SDK1: variants seen among roughly 807,000 people sequenced by gnomAD.
SDK1 encodes protein sidekick-1.
SDK1 carries 157 observed loss-of-function variants against 245.5 expected under a neutral mutation model. The observed-to-expected ratio is 0.64, with a 90% CI of 0.56 to 0.73. SDK1 has a LOEUF of 0.73. SDK1 is among the 30% of genes least tolerant of loss of function. SDK1 has a pLI of 0.00. For missense variants in SDK1, 3,583 were observed against 3,002.3 expected (o/e 1.19, Z -4.52); for synonymous variants, 1,647 against 1,278.5 (o/e 1.29, Z -6.15).
intron 14 of SDK1, among the ~76,000 whole-genome samples, chr7:3,995,254 C>T (rs533681482): frequency 1.3e-5 from 2 of 152,324 alleles, no homozygotes; most frequent in African/African-American, 4.8e-5. Flanking sequence ...TGGGAATTCT[C>T]GCCCTGATCC....
chr7:3,302,613 C>T (rs1036121213), intron 1 of SDK1, among the ~76,000 whole-genome samples: 1 of 151,554 alleles, frequency 6.6e-6, no homozygotes, highest in African/African-American at 2.4e-5. Context: ...CTTCCCTCCA[C>T]CCCCTCCCCG....
At chr7:3,907,646 T>C (rs1562527960) in intron 5 of SDK1, among the ~76,000 whole-genome samples, 1 of 152,256 alleles carries the variant, frequency 6.6e-6, no homozygotes, top group African/African-American at 2.4e-5. Flanking sequence ...GTGCGATTAC[T>C]GAATCTTATA....
chr7:3,661,948 G>A (rs1783375124), intron 4 of SDK1, among the ~76,000 whole-genome samples: 1 of 151,596 alleles, frequency 6.6e-6, no homozygotes, highest in Admixed American at 6.6e-5. Context: ...CCTGGGTGTA[G>A]TAAGACCGTT....
At chr7:4,045,768 G>T (rs1271379868) in intron 17 of SDK1, among the ~76,000 whole-genome samples, 1 of 152,154 alleles carries the variant, frequency 6.6e-6, no homozygotes, top group African/African-American at 2.4e-5. Flanking sequence ...TGTGATGTTT[G>T]AGTCCTTCTA....
chr7:3,952,732 G>A (rs1272419609), intron 7 of SDK1, among the ~76,000 whole-genome samples: 1 of 151,808 alleles, frequency 6.6e-6, no homozygotes, highest in Non-Finnish European at 1.5e-5. Flanking sequence ...CTCAAACTGG[G>A]CGACATATTA....
intron 4 of SDK1, among the ~76,000 whole-genome samples, chr7:3,648,853 G>A (rs1355081229): frequency 1.3e-5 from 2 of 152,162 alleles, no homozygotes; most frequent in Non-Finnish European, 2.9e-5. Flanking sequence ...TTCTGACCTT[G>A]GGAAAATTAC....
intron 1 of SDK1, among the ~76,000 whole-genome samples, chr7:3,415,715 A>G (rs903719125): frequency 1.0e-4 from 15 of 149,452 alleles, no homozygotes; most frequent in Non-Finnish European, 1.8e-4. Context: ...TATAAATTAT[A>G]TATAAATGTA....
intron 19 of SDK1, among the ~76,000 whole-genome samples, chr7:4,055,762 G>A (rs374824472): frequency 2.6e-5 from 4 of 152,066 alleles, no homozygotes; most frequent in Non-Finnish European, 2.9e-5. Flanking sequence ...CAGTGTGAGC[G>A]TTTAGTGCTG....
chr7:3,517,006 T>G (rs1782776789), intron 1 of SDK1, among the ~76,000 whole-genome samples: 4 of 152,176 alleles, frequency 2.6e-5, no homozygotes, highest in Admixed American at 1.3e-4. Flanking sequence ...CCTTTTATTG[T>G]GTTATCTCAG....
At chr7:3,372,615 C>T (rs1053607257) in intron 1 of SDK1, among the ~76,000 whole-genome samples, 2 of 152,124 alleles carry the variant, frequency 1.3e-5, no homozygotes, top group African/African-American at 2.4e-5. Context: ...CCAAAATGAA[C>T]CCTGTAACTT....
intron 1 of SDK1, among the ~76,000 whole-genome samples, chr7:3,587,953 A>G (rs759614056): frequency 4.6e-5 from 7 of 152,246 alleles, no homozygotes; most frequent in African/African-American, 7.2e-5. Flanking sequence ...CATTGATCCA[A>G]TAGACTTATG....
intron 4 of SDK1, among the ~76,000 whole-genome samples, chr7:3,800,757 A>G (rs1349575359): frequency 1.3e-5 from 2 of 152,120 alleles, no homozygotes; most frequent in East Asian, 1.9e-4. Context: ...GATCACTCCT[A>G]AATATACACA....
chr7:3,665,689 C>G (rs560602777), intron 4 of SDK1, among the ~76,000 whole-genome samples: 1 of 152,126 alleles, frequency 6.6e-6, no homozygotes, highest in African/African-American at 2.4e-5. Context: ...CAGGACATGT[C>G]GTGCCATTCA....
chr7:4,266,153 C>A lies in SDK1; in HGVS notation c.*769C>A, dbSNP rs75528200. 2.3e-5 allele frequency: 23 copies of A among 985,506 alleles called. No homozygotes were observed. The East Asian group carries it at 2.6e-3, about 112-fold the overall frequency. 61.0% of individuals were successfully genotyped at this position (985,506 alleles called of 1,614,324 possible). On this transcript the variant is annotated 3_prime_UTR_variant, in exon 45 of 45. Coordinates refer to ENST00000404826, the MANE Select transcript of SDK1 (RefSeq NM_152744.4). Reference sequence around the variant, plus strand: ...CCACCACGCTGGCCCTCTCCTTCCCCGAACACAGCACACGGTCAACTCCGC... The same window carrying A: ...CCACCACGCTGGCCCTCTCCTTCCCAGAACACAGCACACGGTCAACTCCGC...
intron 42 of SDK1, among the ~76,000 whole-genome samples, chr7:4,238,680 C>T (rs1278539655): frequency 6.6e-6 from 1 of 151,718 alleles, no homozygotes; most frequent in East Asian, 1.9e-4. Flanking sequence ...TCCCCAGTAG[C>T]TAGGATTACA....
intron 1 of SDK1, among the ~76,000 whole-genome samples, chr7:3,478,757 A>G (rs1781420784): frequency 6.6e-6 from 1 of 151,866 alleles, no homozygotes; most frequent in East Asian, 1.9e-4. Context: ...TCCTTTCCTA[A>G]TTGTTAAATT....
Position 4,265,149 on chromosome 7 carries a change from C to T in SDK1, c.6407C>T (p.Ala2136Val), listed in dbSNP as rs1788381270. Reference sequence around the variant, plus strand: ...GCCACGGACTCTGACTACGAGGACGCGCTGCCCAAGCACTCCTTCGTGAAC... The same window carrying T: ...GCCACGGACTCTGACTACGAGGACGTGCTGCCCAAGCACTCCTTCGTGAAC... ...SEATDSDYED[A>V]LPKHSFVNHY... The change falls in exon 45 of 45, where the codon GCG becomes GTG. Residue 2136 changes from alanine (A) to valine (V), a missense_variant. By Grantham distance (64) the Ala-to-Val change is moderately conservative (BLOSUM62 0). Transcript: ENST00000404826. 5 of 1,612,112 alleles carry T rather than the reference C, an allele frequency of 3.1e-6. No homozygotes were observed. The highest frequency in any genetic ancestry group is 1.7e-5 in the Admixed American group (1 of 59,950).
At chr7:3,859,106 C>T (rs914878064) in intron 5 of SDK1, among the ~76,000 whole-genome samples, 47 of 152,102 alleles carry the variant, frequency 3.1e-4, no homozygotes, top group African/African-American at 1.1e-3. Flanking sequence ...TCGTGATCCG[C>T]CCGCCTCGGC....
intron 2 of SDK1, among the ~76,000 whole-genome samples, chr7:3,620,631 A>C (rs1442390972): frequency 6.6e-6 from 1 of 152,028 alleles, no homozygotes; most frequent in Admixed American, 6.6e-5. Context: ...TGACAGTTCT[A>C]AGATTTTCTG....
Sources: gnomAD v4.1 joint callset for allele counts (sites outside exome capture counted in the v4.1 genomes callset) on GRCh38, gnomAD v4.1.1 for gene constraint, MANE v1.5 for transcripts, NCBI Gene and HGNC (gene_info 2026-07-23, HGNC 2026-07-21) for gene names.